BACH2: variants seen among roughly 807,000 people sequenced by gnomAD.
The protein encoded by BACH2 is transcription regulator protein BACH2.
A neutral mutation model predicts 61.8 loss-of-function variants in BACH2; 5 were observed. That is an observed-to-expected ratio of 0.08 (90% confidence interval 0.04 to 0.17). The LOEUF (loss-of-function observed/expected upper bound fraction) is 0.17. Ranked by LOEUF, BACH2 falls within the 10% of genes least tolerant of loss-of-function variation. BACH2 has a pLI of 1.00. For synonymous variants in BACH2, 446 were observed against 440.1 expected, an observed-to-expected ratio of 1.01 and a Z score of -0.17; for missense variants, 824 against 1,091.1, an observed-to-expected ratio of 0.76 and a Z score of 3.45.
Position 90,028,851 on chromosome 6 carries a change from C to T in BACH2, c.-12-19995G>A, listed in dbSNP as rs75220020. The stretch of plus-strand genomic sequence containing the variant: ...CCTTGCACAAGACACTTAACTTTTC[C>T]GTGCCTCAGTTTCCTGATCTGTACT... On this transcript the variant is annotated intron_variant, in intron 5 of 8. Transcript: ENST00000257749. Among the ~76,000 whole-genome samples, 2,928 of 152,278 alleles carry T rather than the reference C, an allele frequency of 0.019. 251 individuals are homozygous for T. The East Asian group carries it at 0.26, about 13-fold the overall frequency.
chr6:90,291,140 G>A (rs750817118), intron 1 of BACH2, among the ~76,000 whole-genome samples: 35 of 152,298 alleles, frequency 2.3e-4, no homozygotes, highest in Non-Finnish European at 4.4e-4. Context: ...CAAAGGAGAA[G>A]TCAACCAGGG....
chr6:89,927,543 T>A lies in BACH2; in HGVS notation c.*4865A>T, dbSNP rs930709390. On this transcript the variant is annotated 3_prime_UTR_variant, in exon 9 of 9. Transcript: ENST00000257749. ...GGGCCAGTGTTTTATCTGAGGTCAA[T>A]AAACTGGAATGAGAATGAAAGTCAG... The A allele has an allele frequency of 1.3e-5, 2 of 152,786 alleles. No homozygotes were observed. Among genetic ancestry groups the A allele is most frequent in the African/African-American group, 4.8e-5 (2 of 41,458 alleles). 9.5% of individuals were successfully genotyped at this position (152,786 alleles called of 1,614,324 possible). A position where few individuals can be genotyped will look rare whatever the true frequency, so the allele number is the denominator to read the frequency against.
At chr6:90,210,520 C>A (rs1769310002) in intron 3 of BACH2, among the ~76,000 whole-genome samples, 1 of 152,052 alleles carries the variant, frequency 6.6e-6, no homozygotes. Flanking sequence ...TGTTTTGCAG[C>A]CAATTCAGTT....
At chr6:89,991,613 C>G (rs1776573689) in intron 6 of BACH2, among the ~76,000 whole-genome samples, 1 of 152,054 alleles carries the variant, frequency 6.6e-6, no homozygotes, top group South Asian at 2.1e-4. Context: ...AACCAAAATA[C>G]CATTTTTCCA....
chr6:90,166,857 G>C (rs1767639076), intron 4 of BACH2, among the ~76,000 whole-genome samples: 3 of 146,424 alleles, frequency 2.0e-5, no homozygotes, highest in Non-Finnish European at 4.5e-5. Flanking sequence ...ACTGAACAAT[G>C]AGAACACATG....
At chr6:90,115,104 A>G (rs555562434) in intron 4 of BACH2, among the ~76,000 whole-genome samples, 111 of 152,322 alleles carry the variant, frequency 7.3e-4, no homozygotes, top group African/African-American at 2.5e-3. Flanking sequence ...GCCCGAAGCA[A>G]TTTACAGATT....
chr6:90,019,621 C>T (rs1778270937), intron 5 of BACH2, among the ~76,000 whole-genome samples: 1 of 152,152 alleles, frequency 6.6e-6, no homozygotes, highest in South Asian at 2.1e-4. Flanking sequence ...CTGAGAGAAG[C>T]TAGTTTTCTT....
intron 6 of BACH2, among the ~76,000 whole-genome samples, chr6:89,997,177 A>G (rs1224665226): frequency 6.6e-6 from 1 of 152,206 alleles, no homozygotes; most frequent in Non-Finnish European, 1.5e-5. Flanking sequence ...AGTGAATGAG[A>G]CATCTGGTCA....
At chr6:89,947,898 A>C (rs898256895) in intron 7 of BACH2, among the ~76,000 whole-genome samples, 28 of 152,218 alleles carry the variant, frequency 1.8e-4, no homozygotes, top group African/African-American at 6.3e-4. Flanking sequence ...AGGTAAAAAT[A>C]AGAGTATTTT....
chr6:90,253,485 C>T (rs1770878170), intron 2 of BACH2, among the ~76,000 whole-genome samples: 1 of 152,146 alleles, frequency 6.6e-6, no homozygotes, highest in African/African-American at 2.4e-5. Context: ...GAAGAGGTAT[C>T]TGCATTTGAT....
At chr6:89,993,794 G>A (rs1387894488) in intron 6 of BACH2, among the ~76,000 whole-genome samples, 1 of 151,710 alleles carries the variant, frequency 6.6e-6, no homozygotes, top group Non-Finnish European at 1.5e-5. Context: ...GATCTAGGGT[G>A]ACTTTATGTT....
chr6:89,965,051 A>T (rs1219581966), intron 6 of BACH2, among the ~76,000 whole-genome samples: 1 of 151,866 alleles, frequency 6.6e-6, no homozygotes, highest in Admixed American at 6.6e-5. Flanking sequence ...CACCTGGCTA[A>T]TTTTTTTGTA....
At chr6:90,103,030 T>TATATA (rs371402979) in intron 4 of BACH2, among the ~76,000 whole-genome samples, 104 of 20,290 alleles carry the variant, frequency 5.1e-3, no homozygotes, top group Admixed American at 7.2e-3. Context: ...TATATATATA[T>TATATA]TTTTTTTTTT....
intron 5 of BACH2, among the ~76,000 whole-genome samples, chr6:90,079,483 T>C (rs534288061): frequency 1.3e-4 from 20 of 152,326 alleles, no homozygotes; most frequent in African/African-American, 4.8e-4. Flanking sequence ...CTTCCTTCCA[T>C]CAACACAATT....
intron 4 of BACH2, among the ~76,000 whole-genome samples, chr6:90,168,346 A>G (rs1767699961): frequency 6.6e-6 from 1 of 152,224 alleles, no homozygotes; most frequent in Non-Finnish European, 1.5e-5. Context: ...AGGGCATAAA[A>G]GTGAAGTTTA....
chr6:90,258,978 T>C (rs1488214125), intron 2 of BACH2, among the ~76,000 whole-genome samples: 1 of 152,210 alleles, frequency 6.6e-6, no homozygotes, highest in Non-Finnish European at 1.5e-5. Context: ...CAGGGGCTTT[T>C]TTCCCCCCCT....
intron 4 of BACH2, among the ~76,000 whole-genome samples, chr6:90,091,937 T>C (rs1166813666): frequency 6.6e-6 from 1 of 152,124 alleles, no homozygotes; most frequent in Non-Finnish European, 1.5e-5. Context: ...TAGAATAGCT[T>C]ATAAATGATT....
At chr6:90,064,691 C>T (rs1780853481) in intron 5 of BACH2, among the ~76,000 whole-genome samples, 1 of 152,066 alleles carries the variant, frequency 6.6e-6, no homozygotes. Flanking sequence ...GATGGTAGAG[C>T]CATAGTTAAA....
intron 5 of BACH2, among the ~76,000 whole-genome samples, chr6:90,053,694 A>G (rs1433790939): frequency 6.6e-6 from 1 of 152,202 alleles, no homozygotes; most frequent in Non-Finnish European, 1.5e-5. Context: ...TTTTGCTGAA[A>G]ACACAATTTT....
Sources: allele counts gnomAD v4.1 joint callset (sites outside exome capture counted in the v4.1 genomes callset), GRCh38; gene constraint gnomAD v4.1.1; transcripts MANE v1.5; gene names NCBI Gene and HGNC (gene_info 2026-07-23, HGNC 2026-07-21).